SPDYA: variants seen among roughly 807,000 people sequenced by gnomAD.
SPDYA encodes speedy protein A.
Under a neutral mutation model 36.7 loss-of-function variants are expected in SPDYA, and 11 were observed. The ratio of observed to expected loss-of-function variants is 0.30; its 90% CI spans 0.19 to 0.50. SPDYA has a LOEUF of 0.50. Ranked by LOEUF, SPDYA falls within the 20% of genes least tolerant of loss-of-function variation. The pLI, the probability that SPDYA is intolerant of heterozygous loss-of-function variation, is 0.98. For synonymous variants in SPDYA, 115 were observed against 118.7 expected, an observed-to-expected ratio of 0.97 and a Z score of 0.20; for missense variants, 287 against 370.9, an observed-to-expected ratio of 0.77 and a Z score of 1.86.
At chr2:28,837,086 A>G (rs1208601502) in intron 6 of SPDYA, among the ~76,000 whole-genome samples, 2 of 152,214 alleles carry the variant, frequency 1.3e-5, no homozygotes, top group South Asian at 2.1e-4. Context: ...TTAGAAAGCA[A>G]TGAGATAAGT....
In SPDYA at chr2:28,850,364, C is replaced by T; in HGVS notation, c.*423C>T. On this transcript the variant is annotated 3_prime_UTR_variant, in exon 8 of 8. Transcript: ENST00000334056. ...GGTTGCCAGTGTACTGGTCTAGCAACATAGGGAAATGATCCATATGGAAAA... is the reference window on the plus strand; with the variant it reads ...GGTTGCCAGTGTACTGGTCTAGCAATATAGGGAAATGATCCATATGGAAAA... 1 of 1,610,618 alleles carries T rather than the reference C, an allele frequency of 6.2e-7. No individual in the cohort carries two copies.
intron 1 of SPDYA, 108 bp from the exon 2 acceptor site, chr2:28,814,505 T>C (rs1558319843): frequency 6.6e-6 from 1 of 152,244 alleles, no homozygotes; most frequent in Non-Finnish European, 1.5e-5. Flanking sequence ...AGTAATTTTA[T>C]CTGTTTTGTT....
In SPDYA at chr2:28,840,260, A is replaced by T. The variant is rs1668717232; in HGVS notation, c.641A>T (p.Glu214Val). ...SGAVRNYNRD[E>V]VQLPRGPSAT... ...GCTGTCAGAAACTACAACAGAGATG[A>T]AGTTCAGCTGCCCCGGGGACCTAGT... The change falls in exon 7 of 8, where the codon GAA becomes GTA. Residue 214 changes from glutamate to valine, a missense_variant. Coordinates refer to ENST00000334056, the MANE Select transcript of SPDYA (RefSeq NM_182756.4). The T allele has an allele frequency of 6.2e-7, 1 of 1,613,684 alleles. No individual in the cohort carries two copies. The highest frequency in any genetic ancestry group is 8.5e-7 in the Non-Finnish European group (1 of 1,179,926).
At chr2:28,849,692 A>G (rs1668986389) in intron 7 of SPDYA, 158 bp from the exon 8 acceptor site, 2 of 528,940 alleles carry the variant, frequency 3.8e-6, no homozygotes, top group Non-Finnish European at 6.7e-6. Context: ...CTTTTGTTAC[A>G]ATTTTTAAGG....
At position 28,840,275 on chromosome 2, in the gene SPDYA, G is replaced by A. The variant is rs200984097; in HGVS notation, c.656G>A (p.Arg219Gln). Residue 219 changes from arginine to glutamine, a missense_variant, in exon 7 of 8, where the codon CGG becomes CAG. Physicochemically the swap from Arg to Gln is conservative, Grantham distance 43. Coordinates refer to ENST00000334056, the MANE Select transcript of SPDYA (RefSeq NM_182756.4). Reference protein sequence around the residue: ...NYNRDEVQLPRGPSATPVDCS... With the variant: ...NYNRDEVQLPQGPSATPVDCS... ...AACAGAGATGAAGTTCAGCTGCCCC[G>A]GGGACCTAGTGCCACACCAGTAGAT... is the stretch of plus-strand genomic sequence containing the variant. 7.6e-5 allele frequency: 123 copies of A among 1,613,256 alleles called. No homozygotes were observed. Among genetic ancestry groups the A allele is most frequent in the East Asian group, 2.9e-4 (13 of 44,882 alleles).
chr2:28,847,445 C>T (rs886868733), intron 7 of SPDYA, among the ~76,000 whole-genome samples: 3 of 151,820 alleles, frequency 2.0e-5, no homozygotes, highest in Non-Finnish European at 4.4e-5. Context: ...GATGGTGTTC[C>T]CCTAAGATTA....
chr2:28,840,708 A>G lies in SPDYA; in HGVS notation c.850+239A>G, dbSNP rs148322410. 570 of 1,214,418 alleles carry G rather than the reference A, an allele frequency of 4.7e-4. 4 individuals are homozygous for G. In the African/African-American group the frequency reaches 8.4e-3, roughly 18 times the overall value. 75.2% of individuals were successfully genotyped at this position (1,214,418 alleles called of 1,614,324 possible). A position where few individuals can be genotyped will look rare whatever the true frequency, so the allele number is the denominator to read the frequency against. The stretch of plus-strand genomic sequence containing the variant: ...TTAAGTTGAAAACTAATGCACCATA[A>G]GCCTCAGTATTTTAAGAGCCTGAAT... On this transcript the variant is annotated intron_variant, in intron 7 of 7. Transcript: ENST00000334056.
intron 5 of SPDYA, among the ~76,000 whole-genome samples, chr2:28,822,727 C>A (rs1489842771): frequency 6.6e-6 from 1 of 152,138 alleles, no homozygotes; most frequent in East Asian, 1.9e-4. Context: ...CCTGCCTCAG[C>A]CTCCCAAGTA....
intron 6 of SPDYA, among the ~76,000 whole-genome samples, chr2:28,839,696 G>A (rs539153591): frequency 2.0e-4 from 30 of 152,218 alleles, no homozygotes; most frequent in African/African-American, 7.2e-4. Flanking sequence ...TAGAGACGGA[G>A]TTTCACCGTG....
intron 1 of SPDYA, among the ~76,000 whole-genome samples, chr2:28,812,306 C>T (rs1424938107): frequency 6.6e-6 from 1 of 151,996 alleles, no homozygotes; most frequent in East Asian, 1.9e-4. Flanking sequence ...GACTGAGTTG[C>T]CAATGGATAT....
chr2:28,842,792 G>A (rs1176304530), intron 7 of SPDYA, among the ~76,000 whole-genome samples: 2 of 152,116 alleles, frequency 1.3e-5, no homozygotes, highest in Non-Finnish European at 2.9e-5. Context: ...TAGTTTTAAT[G>A]GAGAGTGAGC....
chr2:28,815,283 A>AACAC (rs55773017), intron 2 of SPDYA, among the ~76,000 whole-genome samples: 11,233 of 136,784 alleles, frequency 0.082, 577 homozygotes, highest in African/African-American at 0.15. Context: ...CCCTGTCTGA[A>AACAC]ACACACACAC....
At chr2:28,826,969 TAAG>T (rs1346060232) in intron 5 of SPDYA, among the ~76,000 whole-genome samples, 9 of 147,506 alleles carry the variant, frequency 6.1e-5, no homozygotes, top group Non-Finnish European at 1.2e-4. Context: ...TTTTTTTTTT[TAAG>T]AAGGAGTCTC....
intron 6 of SPDYA, among the ~76,000 whole-genome samples, chr2:28,838,178 ATTTTTT>A (rs61135451): frequency 4.3e-5 from 5 of 115,546 alleles, no homozygotes; most frequent in Non-Finnish European, 7.1e-5. Flanking sequence ...GAAGTAACGG[ATTTTTT>A]TTTTTTTTTT....
At chr2:28,829,037 CGTT>C in intron 5 of SPDYA, 108 bp from the exon 6 acceptor site, 1 of 826,520 alleles carries the variant, frequency 1.2e-6, no homozygotes, top group South Asian at 2.2e-5. Context: ...CTTTAATTAA[CGTT>C]GAACACCTTT....
At chr2:28,817,389 C>A (rs945576003) in intron 3 of SPDYA, among the ~76,000 whole-genome samples, 13 of 152,052 alleles carry the variant, frequency 8.5e-5, no homozygotes, top group Non-Finnish European at 1.3e-4. Flanking sequence ...TGGAGAAACC[C>A]TGTCTCTACT....
intron 7 of SPDYA, among the ~76,000 whole-genome samples, chr2:28,847,946 G>A (rs1053516195): frequency 2.0e-5 from 3 of 152,040 alleles, no homozygotes; most frequent in Admixed American, 2.0e-4. Context: ...ATGCTATCCA[G>A]GTTTGCAGTC....
intron 7 of SPDYA, 160 bp downstream of exon 7, chr2:28,840,629 G>A (rs1668727762): frequency 1.4e-6 from 2 of 1,395,762 alleles, no homozygotes; most frequent in Middle Eastern, 2.7e-4. Flanking sequence ...TTTGTCTTGT[G>A]TCCATATTTG....
At chr2:28,820,913 T>G (rs1668139685) in intron 4 of SPDYA, among the ~76,000 whole-genome samples, 1 of 152,136 alleles carries the variant, frequency 6.6e-6, no homozygotes, top group Non-Finnish European at 1.5e-5. Context: ...TTGAAGTAAA[T>G]AGAATAGAAC....
Sources: allele counts gnomAD v4.1 joint callset (sites outside exome capture counted in the v4.1 genomes callset), GRCh38; gene constraint gnomAD v4.1.1; transcripts MANE v1.5; gene names NCBI Gene and HGNC (gene_info 2026-07-23, HGNC 2026-07-21).